Variants in CHRNA7 observed in about 807,000 individuals in gnomAD.
CHRNA7 encodes neuronal acetylcholine receptor subunit alpha-7.
Under a neutral mutation model 48.0 loss-of-function variants are expected in CHRNA7, and 17 were observed. That is an observed-to-expected ratio of 0.35 (90% confidence interval 0.24 to 0.53). CHRNA7 has a LOEUF of 0.53. Ranked by LOEUF, CHRNA7 falls within the 20% of genes least tolerant of loss-of-function variation. The probability of loss-of-function intolerance (pLI) is 0.92; values close to 1 mark genes in which losing one functional copy is unlikely to be tolerated. For synonymous variants in CHRNA7, 75 were observed against 242.3 expected (o/e 0.31, Z 6.41); for missense variants, 155 against 577.7 (o/e 0.27, Z 7.50).
At position 32,114,649 on chromosome 15, in the gene CHRNA7, C is replaced by T. The variant is rs1189981499; in HGVS notation, c.350+2750C>T. ...AAGTAACTGCTAAATATATGGCCCGCAGGTCCACATGAACCCAACGTGGAA... is the reference window on the plus strand; with the variant it reads ...AAGTAACTGCTAAATATATGGCCCGTAGGTCCACATGAACCCAACGTGGAA... On this transcript the variant is annotated intron_variant, in intron 4 of 9. Coordinates refer to ENST00000306901, the MANE Select transcript of CHRNA7 (RefSeq NM_000746.6). Among the ~76,000 whole-genome samples the T allele has an allele frequency of 2.0e-5, 3 of 152,254 alleles. No individual in the cohort carries two copies. The South Asian group carries it at 6.2e-4, about 31-fold the overall frequency.
chr15:32,093,899 T>C (rs1277732709), intron 2 of CHRNA7, among the ~76,000 whole-genome samples: 1 of 152,190 alleles, frequency 6.6e-6, no homozygotes, highest in Admixed American at 6.5e-5. Flanking sequence ...GGATTAACTT[T>C]GGTAGTTAAA....
intron 2 of CHRNA7, among the ~76,000 whole-genome samples, chr15:32,078,834 CAG>C (rs2050173533): frequency 6.6e-6 from 1 of 152,034 alleles, no homozygotes; most frequent in African/African-American, 2.4e-5. Flanking sequence ...CAAAACCTGT[CAG>C]AGATACAACA....
chr15:32,052,394 G>A (rs896768752), intron 2 of CHRNA7, among the ~76,000 whole-genome samples: 2 of 152,148 alleles, frequency 1.3e-5, no homozygotes, highest in East Asian at 3.9e-4. Context: ...ACCAGTGACT[G>A]GGAAGACAGT....
intron 2 of CHRNA7, among the ~76,000 whole-genome samples, chr15:32,095,413 A>G (rs754275749): frequency 2.9e-4 from 44 of 152,258 alleles, no homozygotes; most frequent in Non-Finnish European, 5.0e-4. Flanking sequence ...TTTAAAGTTC[A>G]GTAATTCACT....
intron 2 of CHRNA7, among the ~76,000 whole-genome samples, chr15:32,052,214 T>C (rs1032718888): frequency 5.6e-4 from 72 of 129,264 alleles, no homozygotes; most frequent in Admixed American, 7.8e-4. Flanking sequence ...TTTTTTTTTT[T>C]CCCCAAGCTC....
intron 3 of CHRNA7, among the ~76,000 whole-genome samples, chr15:32,107,768 CCT>C (rs1286308153): frequency 6.6e-5 from 10 of 152,128 alleles, no homozygotes; most frequent in Non-Finnish European, 4.4e-5. Context: ...GTCTCGAGCC[CCT>C]TTCTCACCCC....
At chr15:32,051,905 G>T (rs1372235466) in intron 2 of CHRNA7, among the ~76,000 whole-genome samples, 2 of 152,130 alleles carry the variant, frequency 1.3e-5, no homozygotes, top group Non-Finnish European at 2.9e-5. Flanking sequence ...TTGAACTCCT[G>T]ACCTGAAGTG....
intron 2 of CHRNA7, among the ~76,000 whole-genome samples, chr15:32,076,867 T>C (rs2050143542): frequency 6.6e-6 from 1 of 152,192 alleles, no homozygotes; most frequent in Non-Finnish European, 1.5e-5. Flanking sequence ...ATGACCTGTA[T>C]CTACCATTAT....
chr15:32,038,678 T>A (rs1355495331), intron 2 of CHRNA7, among the ~76,000 whole-genome samples: 1 of 152,180 alleles, frequency 6.6e-6, no homozygotes, highest in Non-Finnish European at 1.5e-5. Flanking sequence ...TAATATTTTG[T>A]TGAGCATTTT....
chr15:32,151,067 C>G (rs967025043), intron 4 of CHRNA7, among the ~76,000 whole-genome samples: 1 of 151,784 alleles, frequency 6.6e-6, no homozygotes, highest in Admixed American at 6.6e-5. Flanking sequence ...AACTTCATCA[C>G]GTTTTTGCTT....
chr15:32,101,454 A>G (rs1395765606), intron 3 of CHRNA7, 107 bp downstream of exon 3: 1 of 1,147,416 alleles, frequency 8.7e-7, no homozygotes, highest in Non-Finnish European at 1.2e-6. Flanking sequence ...TGTTTAGGAA[A>G]AAAAACCAAA....
intron 2 of CHRNA7, among the ~76,000 whole-genome samples, chr15:32,072,291 G>T (rs998860611): frequency 6.6e-6 from 1 of 152,196 alleles, no homozygotes; most frequent in African/African-American, 2.4e-5. Flanking sequence ...AGGTGACATG[G>T]CTGCTTCTAA....
chr15:32,054,589 T>C (rs1012092385), intron 2 of CHRNA7, among the ~76,000 whole-genome samples: 2 of 152,240 alleles, frequency 1.3e-5, no homozygotes, highest in East Asian at 3.9e-4. Context: ...AGAGCTAAAC[T>C]GTTTGCCTTA....
chr15:32,140,292 G>T (rs1183304020), intron 4 of CHRNA7, among the ~76,000 whole-genome samples: 5 of 152,152 alleles, frequency 3.3e-5, no homozygotes, highest in Non-Finnish European at 7.4e-5. Flanking sequence ...TGGTGTATGT[G>T]TGCCACATTT....
At chr15:32,119,156 C>T (rs2050923540) in intron 4 of CHRNA7, among the ~76,000 whole-genome samples, 1 of 152,170 alleles carries the variant, frequency 6.6e-6, no homozygotes, top group Non-Finnish European at 1.5e-5. Context: ...AAACTGATGG[C>T]AAAACCAATG....
chr15:32,105,474 AGAGGAGGAAAG>A (rs1469672863), intron 3 of CHRNA7, among the ~76,000 whole-genome samples: 191 of 137,384 alleles, frequency 1.4e-3, no homozygotes, highest in Non-Finnish European at 1.8e-3. Context: ...GAAGAGGAGG[AGAGGAGGAAAG>A]GAGGAGGAGA....
chr15:32,078,845 CA>C (rs1401222889), intron 2 of CHRNA7, among the ~76,000 whole-genome samples: 3 of 152,032 alleles, frequency 2.0e-5, no homozygotes, highest in East Asian at 3.9e-4. Flanking sequence ...AGAGATACAA[CA>C]AAAAAAGAAA....
chr15:32,124,873 A>G lies in CHRNA7; in HGVS notation c.350+12974A>G, dbSNP rs543877000. ...TCTTCCTGTCTCTGCTTATTTGGCC[A>G]TCTGAGGACACAAGGAGGAGATGTG... On this transcript the variant is annotated intron_variant, in intron 4 of 9. Transcript: ENST00000306901. Among the ~76,000 whole-genome samples the G allele has an allele frequency of 3.3e-5, 5 of 152,288 alleles. No individual in the cohort carries two copies. In the South Asian group the frequency reaches 1.0e-3, roughly 32 times the overall value.
At chr15:32,126,543 G>A (rs535462512) in intron 4 of CHRNA7, among the ~76,000 whole-genome samples, 70 of 152,228 alleles carry the variant, frequency 4.6e-4, no homozygotes, top group East Asian at 3.9e-4. Flanking sequence ...TCTGTTCCTC[G>A]CTCCCTAAAC....
Sources: allele counts gnomAD v4.1 joint callset (sites outside exome capture counted in the v4.1 genomes callset), GRCh38; gene constraint gnomAD v4.1.1; transcripts MANE v1.5; gene names NCBI Gene and HGNC (gene_info 2026-07-23, HGNC 2026-07-21).